Variants in PPP3CA observed in about 807,000 individuals in gnomAD.
PPP3CA encodes the protein CAM-PRP catalytic subunit.
A neutral mutation model predicts 66.5 loss-of-function variants in PPP3CA; 14 were observed. The observed-to-expected ratio is 0.21, with a 90% CI of 0.14 to 0.33. The LOEUF is 0.33. PPP3CA is among the 10% of genes least tolerant of loss of function. PPP3CA has a pLI of 1.00. For synonymous variants in PPP3CA, 232 were observed against 226.2 expected (o/e 1.03, Z -0.23); for missense variants, 317 against 639.5 (o/e 0.50, Z 5.44).
At chr4:101,335,587 T>C (rs1010287275) in intron 1 of PPP3CA, among the ~76,000 whole-genome samples, 4 of 152,180 alleles carry the variant, frequency 2.6e-5, no homozygotes, top group African/African-American at 9.7e-5. Context: ...GTTTGACAAC[T>C]TGAAACTGCC....
At chr4:101,052,981 C>T (rs1728075299) in intron 10 of PPP3CA, among the ~76,000 whole-genome samples, 3 of 152,150 alleles carry the variant, frequency 2.0e-5, no homozygotes, top group South Asian at 4.1e-4. Context: ...CCTATATCCT[C>T]TGCATGACTA....
At position 101,301,291 on chromosome 4, in the gene PPP3CA, T is replaced by C. The variant is rs1172905512; in HGVS notation, c.58+45448A>G. Among the ~76,000 whole-genome samples the C allele has an allele frequency of 1.5e-4, 23 of 151,612 alleles. 1 individual carries two copies. Among genetic ancestry groups the C allele is most frequent in the Non-Finnish European group, 3.4e-4 (23 of 67,894 alleles). On this transcript the variant is annotated intron_variant, in intron 1 of 13. Coordinates refer to ENST00000394854, the MANE Select transcript of PPP3CA (RefSeq NM_000944.5). ...TCAATTGATTTAATGTCAAATAACA[T>C]GATACTACCTGCTAAATATTAGGCC... is the stretch of plus-strand genomic sequence containing the variant.
At chr4:101,115,398 TTTAA>T (rs1721809174) in intron 2 of PPP3CA, among the ~76,000 whole-genome samples, 1 of 152,118 alleles carries the variant, frequency 6.6e-6, no homozygotes, top group Admixed American at 6.6e-5. Context: ...CTGGTAGCTC[TTTAA>T]TGAGAAGGGA....
chr4:101,242,122 T>C (rs1434844103), intron 1 of PPP3CA, among the ~76,000 whole-genome samples: 1 of 152,028 alleles, frequency 6.6e-6, no homozygotes, highest in East Asian at 1.9e-4. Flanking sequence ...GATATAAAAA[T>C]GCTTAAAAAT....
intron 1 of PPP3CA, among the ~76,000 whole-genome samples, chr4:101,319,125 T>C (rs1249010539): frequency 6.6e-6 from 1 of 151,234 alleles, no homozygotes; most frequent in Non-Finnish European, 1.5e-5. Context: ...TTTATTAAAA[T>C]TTACTGGGCT....
At chr4:101,266,426 C>G (rs1727171904) in intron 1 of PPP3CA, among the ~76,000 whole-genome samples, 1 of 152,078 alleles carries the variant, frequency 6.6e-6, no homozygotes, top group Non-Finnish European at 1.5e-5. Flanking sequence ...GCTATGTTTA[C>G]TACTAAATTA....
intron 1 of PPP3CA, among the ~76,000 whole-genome samples, chr4:101,322,395 A>T (rs1197110197): frequency 6.6e-6 from 1 of 151,506 alleles, no homozygotes; most frequent in Non-Finnish European, 1.5e-5. Context: ...AACACCACTA[A>T]ATCTACTGAC....
Position 101,241,966 on chromosome 4 carries a change from C to G in PPP3CA, c.59-45850G>C, listed in dbSNP as rs528145470. Among the ~76,000 whole-genome samples the G allele has an allele frequency of 8.5e-4, 129 of 152,178 alleles. 3 individuals carry two copies. In the South Asian group the frequency reaches 0.026, roughly 30 times the overall value. ...TGTTAACTGTACTGTGCTACACAGT[C>G]ATAATTCTTTTAATATTCTGGAACT... On this transcript the variant is annotated intron_variant, in intron 1 of 13. Coordinates refer to ENST00000394854, the MANE Select transcript of PPP3CA (RefSeq NM_000944.5).
chr4:101,148,086 T>C (rs1042203626), intron 2 of PPP3CA, among the ~76,000 whole-genome samples: 4 of 152,088 alleles, frequency 2.6e-5, no homozygotes, highest in African/African-American at 9.7e-5. Context: ...GTTTTTCCCT[T>C]AGGATACACT....
At chr4:101,310,344 A>C (rs1728682796) in intron 1 of PPP3CA, among the ~76,000 whole-genome samples, 1 of 152,212 alleles carries the variant, frequency 6.6e-6, no homozygotes, top group Admixed American at 6.5e-5. Flanking sequence ...AAGGGTTTTC[A>C]AAAAGAGTGA....
intron 1 of PPP3CA, among the ~76,000 whole-genome samples, chr4:101,277,497 G>C (rs1200014641): frequency 6.6e-6 from 1 of 152,076 alleles, no homozygotes; most frequent in African/African-American, 2.4e-5. Context: ...TCTTCTATTT[G>C]CATTTACTTA....
intron 9 of PPP3CA, 31 bp from the exon 10 acceptor site, chr4:101,061,192 A>T: frequency 6.3e-7 from 1 of 1,579,616 alleles, no homozygotes; most frequent in Non-Finnish European, 8.7e-7. Flanking sequence ...AAGAAAAGTC[A>T]GGGTTTTCTG....
chr4:101,284,407 T>C (rs1727773187), intron 1 of PPP3CA, among the ~76,000 whole-genome samples: 1 of 152,106 alleles, frequency 6.6e-6, no homozygotes, highest in Non-Finnish European at 1.5e-5. Flanking sequence ...CTAATTCAAT[T>C]TTCTGGTTTT....
At chr4:101,342,252 T>C (rs748508430) in intron 1 of PPP3CA, among the ~76,000 whole-genome samples, 2 of 152,176 alleles carry the variant, frequency 1.3e-5, no homozygotes, top group African/African-American at 2.4e-5. Context: ...AAGGGTTCTA[T>C]CCCACACTTC....
intron 1 of PPP3CA, among the ~76,000 whole-genome samples, chr4:101,328,159 T>G (rs138226198): frequency 6.6e-6 from 1 of 152,242 alleles, no homozygotes; most frequent in Admixed American, 6.5e-5. Flanking sequence ...AATCTTCTCT[T>G]ACACCTAAAC....
chr4:101,082,685 G>GA (rs1220734077), intron 7 of PPP3CA, among the ~76,000 whole-genome samples: 1 of 152,090 alleles, frequency 6.6e-6, no homozygotes, highest in Non-Finnish European at 1.5e-5. Flanking sequence ...ACTTTTCCCT[G>GA]TTTTTAAAGA....
chr4:101,058,794 T>C (rs1728334878), intron 10 of PPP3CA, among the ~76,000 whole-genome samples: 1 of 152,176 alleles, frequency 6.6e-6, no homozygotes, highest in South Asian at 2.1e-4. Flanking sequence ...TGTGCAGGAA[T>C]AACATGTACC....
chr4:101,324,150 GAGGGAGGAAGGAAGGAAGGA>G (rs1729130177), intron 1 of PPP3CA, among the ~76,000 whole-genome samples: 9 of 97,484 alleles, frequency 9.2e-5, no homozygotes, highest in African/African-American at 4.2e-4. Flanking sequence ...GGAAGGAAGG[GAGGGAGGAAGGAAGGAAGGA>G]AGGAAGGAAG....
At chr4:101,201,974 G>C (rs1367602753) in intron 1 of PPP3CA, among the ~76,000 whole-genome samples, 1 of 152,096 alleles carries the variant, frequency 6.6e-6, no homozygotes, top group African/African-American at 2.4e-5. Flanking sequence ...ACAAACATAA[G>C]CCAACCCAAG....
Sources: gnomAD v4.1 joint callset for allele counts (sites outside exome capture counted in the v4.1 genomes callset) on GRCh38, gnomAD v4.1.1 for gene constraint, MANE v1.5 for transcripts, NCBI Gene and HGNC (gene_info 2026-07-23, HGNC 2026-07-21) for gene names.